Variants in YAP1 observed in about 807,000 individuals in gnomAD.
The protein encoded by YAP1 is transcriptional coactivator YAP1.
A neutral mutation model predicts 56.9 loss-of-function variants in YAP1; 5 were observed. The ratio of observed to expected loss-of-function variants is 0.09; its 90% CI spans 0.05 to 0.18. The LOEUF (loss-of-function observed/expected upper bound fraction) is 0.18. Ranked by LOEUF, YAP1 falls within the 10% of genes least tolerant of loss-of-function variation. YAP1 has a pLI of 1.00. For missense variants in YAP1, 539 were observed against 651.8 expected, an observed-to-expected ratio of 0.83 and a Z score of 1.88; for synonymous variants, 265 against 248.1, an observed-to-expected ratio of 1.07 and a Z score of -0.64.
rs1591396052 is a variant in YAP1, at chr11:102,199,772, A to G, written c.803-6121A>G. On this transcript the variant is annotated intron_variant, in intron 4 of 8. Coordinates refer to ENST00000282441, the MANE Select transcript of YAP1 (RefSeq NM_001130145.3). ...TAGGGGCCATTTGGCTCCTGAGAAGAACTGTTAATAAAAGTATTAATAAGG... is the reference window on the plus strand; with the variant it reads ...TAGGGGCCATTTGGCTCCTGAGAAGGACTGTTAATAAAAGTATTAATAAGG... Among the ~76,000 whole-genome samples, 6 of 152,200 alleles carry G rather than the reference A, an allele frequency of 3.9e-5. No individual in the cohort carries two copies. The East Asian group carries it at 1.2e-3, about 29-fold the overall frequency.
chr11:102,139,325 A>G (rs1022453041), intron 2 of YAP1, among the ~76,000 whole-genome samples: 1 of 152,196 alleles, frequency 6.6e-6, no homozygotes, highest in Admixed American at 6.5e-5. Context: ...GCAGCTATTT[A>G]TGGAGCATTT....
At chr11:102,222,682 G>A (rs1949989749) in intron 6 of YAP1, among the ~76,000 whole-genome samples, 1 of 152,164 alleles carries the variant, frequency 6.6e-6, no homozygotes, top group African/African-American at 2.4e-5. Flanking sequence ...TTTAACTTCT[G>A]ATGTCTTTTT....
chr11:102,160,461 G>A (rs1040102545), intron 2 of YAP1, among the ~76,000 whole-genome samples: 4 of 152,194 alleles, frequency 2.6e-5, no homozygotes, highest in African/African-American at 4.8e-5. Flanking sequence ...TATATTACAT[G>A]TAGCTTTCTG....
intron 2 of YAP1, among the ~76,000 whole-genome samples, chr11:102,161,030 C>T (rs1358208586): frequency 6.6e-6 from 1 of 150,750 alleles, no homozygotes; most frequent in Admixed American, 6.6e-5. Flanking sequence ...TGGCTCTTGG[C>T]CAGTGTCACC....
intron 6 of YAP1, among the ~76,000 whole-genome samples, chr11:102,213,938 C>T (rs1375653820): frequency 6.6e-6 from 1 of 152,056 alleles, no homozygotes; most frequent in Non-Finnish European, 1.5e-5. Context: ...ATTAGCTGGG[C>T]TTGGTGGCAT....
chr11:102,145,867 C>A (rs955925825), intron 2 of YAP1, among the ~76,000 whole-genome samples: 11 of 152,038 alleles, frequency 7.2e-5, no homozygotes, highest in African/African-American at 2.7e-4. Context: ...TTGGACTTTC[C>A]AGTATTTGCA....
chr11:102,141,541 A>G (rs1307096317), intron 2 of YAP1, among the ~76,000 whole-genome samples: 1 of 152,246 alleles, frequency 6.6e-6, no homozygotes, highest in Non-Finnish European at 1.5e-5. Context: ...CAGGAAAAAA[A>G]GAGAGACTTA....
At chr11:102,111,409 G>A (rs1942895629) in intron 1 of YAP1, among the ~76,000 whole-genome samples, 3 of 152,154 alleles carry the variant, frequency 2.0e-5, no homozygotes, top group African/African-American at 7.2e-5. Context: ...TCTCTCTGCG[G>A]TTGCAGCCCC....
chr11:102,126,792 TG>T (rs1406096857), intron 2 of YAP1, among the ~76,000 whole-genome samples: 1 of 152,236 alleles, frequency 6.6e-6, no homozygotes, highest in Non-Finnish European at 1.5e-5. Context: ...TGGGAAAGTT[TG>T]GAACTTCCTA....
chr11:102,147,162 A>G lies in YAP1; in HGVS notation c.573-15294A>G, dbSNP rs375730400. Among the ~76,000 whole-genome samples, 27 of 152,314 alleles carry G rather than the reference A, an allele frequency of 1.8e-4. No individual in the cohort carries two copies. In the East Asian group the frequency reaches 2.5e-3, roughly 14 times the overall value. On this transcript the variant is annotated intron_variant, in intron 2 of 8. Coordinates refer to ENST00000282441, the MANE Select transcript of YAP1 (RefSeq NM_001130145.3). ...TTCTAGCTCTGTTAATCTGGCACCA[A>G]AGTCCACGTAACCACTGTTATATAC...
chr11:102,160,136 G>A (rs1019534702), intron 2 of YAP1, among the ~76,000 whole-genome samples: 3 of 146,182 alleles, frequency 2.1e-5, no homozygotes, highest in African/African-American at 7.7e-5. Flanking sequence ...CGATTCTCCT[G>A]CCTTAGCCTC....
At chr11:102,192,936 G>C (rs1391434056) in intron 4 of YAP1, among the ~76,000 whole-genome samples, 1 of 152,178 alleles carries the variant, frequency 6.6e-6, no homozygotes, top group Non-Finnish European at 1.5e-5. Flanking sequence ...GGGGGGTGTG[G>C]GAAGTGCTGG....
chr11:102,233,091 A>C lies in YAP1; in HGVS notation c.*3151A>C, dbSNP rs1950482861. On this transcript the variant is annotated 3_prime_UTR_variant, in exon 9 of 9. Transcript: ENST00000282441. ...AATATTCAGTGCTTAACACTTTTCT[A>C]GCGTTGGTACATCTGAGAAATGAGT... 1 of 152,234 alleles carries C rather than the reference A, an allele frequency of 6.6e-6. No homozygotes were observed. The highest frequency in any genetic ancestry group is 2.4e-5 in the African/African-American group (1 of 41,466). The allele number at this position is 152,234 out of a possible 1,614,324, so 9.4% of individuals were successfully genotyped here. A position where few individuals can be genotyped will look rare whatever the true frequency, so the allele number is the denominator to read the frequency against.
intron 2 of YAP1, among the ~76,000 whole-genome samples, chr11:102,124,141 C>CG (rs1428177180): frequency 1.3e-5 from 2 of 151,296 alleles, no homozygotes; most frequent in Non-Finnish European, 2.9e-5. Context: ...TTAGTAGAGG[C>CG]GGGGTTTCAC....
At chr11:102,223,206 C>T (rs1372218747) in intron 6 of YAP1, among the ~76,000 whole-genome samples, 1 of 150,300 alleles carries the variant, frequency 6.7e-6, no homozygotes, top group East Asian at 2.0e-4. Context: ...CAAGATTGCA[C>T]CACTGCACTC....
chr11:102,217,721 G>A (rs1341014002), intron 6 of YAP1, among the ~76,000 whole-genome samples: 1 of 151,880 alleles, frequency 6.6e-6, no homozygotes, highest in African/African-American at 2.4e-5. Context: ...ATGGAGGTTC[G>A]TTCTTATTGC....
At chr11:102,210,722 G>C (rs188799825) in intron 6 of YAP1, among the ~76,000 whole-genome samples, 344 of 152,160 alleles carry the variant, frequency 2.3e-3, no homozygotes, top group African/African-American at 7.7e-3. Flanking sequence ...TTTCTCTGAA[G>C]TGTTTGTTTT....
At chr11:102,136,662 A>G (rs1339758724) in intron 2 of YAP1, among the ~76,000 whole-genome samples, 2 of 152,036 alleles carry the variant, frequency 1.3e-5, no homozygotes, top group East Asian at 3.9e-4. Context: ...TCATTTTTCT[A>G]TATTCGAAAA....
At chr11:102,175,231 C>G (rs975165104) in intron 3 of YAP1, among the ~76,000 whole-genome samples, 2 of 152,072 alleles carry the variant, frequency 1.3e-5, no homozygotes, top group Admixed American at 6.5e-5. Context: ...GAAACCCCGT[C>G]TCTACTAAAA....
Sources: gnomAD v4.1 joint callset for allele counts (sites outside exome capture counted in the v4.1 genomes callset) on GRCh38, gnomAD v4.1.1 for gene constraint, MANE v1.5 for transcripts, NCBI Gene and HGNC (gene_info 2026-07-23, HGNC 2026-07-21) for gene names.